Variants in FAF1 observed in about 807,000 individuals in gnomAD.
The protein encoded by FAF1 is Fas associated factor 1.
Under a neutral mutation model 92.5 loss-of-function variants are expected in FAF1, and 25 were observed. That is an observed-to-expected ratio of 0.27 (90% confidence interval 0.20 to 0.38). The LOEUF (loss-of-function observed/expected upper bound fraction) is 0.38, where lower values mean the gene tolerates loss of function less well. FAF1 is among the 10% of genes least tolerant of loss of function. The probability of loss-of-function intolerance (pLI) is 1.00; values close to 1 mark genes in which losing one functional copy is unlikely to be tolerated. For missense variants in FAF1, 636 were observed against 793.3 expected (o/e 0.80, Z 2.38); for synonymous variants, 234 against 273.2 (o/e 0.86, Z 1.42).
At chr1:50,719,568 A>G (rs1482647955) in intron 6 of FAF1, among the ~76,000 whole-genome samples, 2 of 152,252 alleles carry the variant, frequency 1.3e-5, no homozygotes, top group Non-Finnish European at 2.9e-5. Flanking sequence ...ATCAAAATGT[A>G]TTAACCAAAG....
intron 13 of FAF1, among the ~76,000 whole-genome samples, chr1:50,550,294 T>A (rs1649247955): frequency 1.4e-5 from 2 of 140,116 alleles, no homozygotes; most frequent in South Asian, 4.4e-4. Flanking sequence ...GAGCTTGCAG[T>A]GAATCGAGAT....
intron 6 of FAF1, among the ~76,000 whole-genome samples, chr1:50,722,222 T>C (rs565225207): frequency 2.6e-5 from 4 of 152,226 alleles, no homozygotes; most frequent in Non-Finnish European, 4.4e-5. Context: ...GTTTCTAGTT[T>C]ACTTCATAAA....
chr1:50,818,127 G>A (rs1208295050), intron 2 of FAF1, among the ~76,000 whole-genome samples: 33 of 152,080 alleles, frequency 2.2e-4, no homozygotes, highest in Admixed American at 2.2e-3. Context: ...ATTTTACAGT[G>A]GAAATGAGTT....
intron 2 of FAF1, among the ~76,000 whole-genome samples, chr1:50,825,670 C>A (rs749453132): frequency 2.0e-5 from 3 of 151,712 alleles, no homozygotes; most frequent in African/African-American, 4.8e-5. Context: ...ACAAAAAAAA[C>A]CCGACATAAT....
At chr1:50,493,034 C>CTTTTT (rs527436973) in intron 15 of FAF1, among the ~76,000 whole-genome samples, 13 of 137,972 alleles carry the variant, frequency 9.4e-5, no homozygotes, top group African/African-American at 2.4e-4. Flanking sequence ...GATTAAACTT[C>CTTTTT]TTTTTTTTTT....
chr1:50,540,637 C>T (rs192560022), intron 13 of FAF1, among the ~76,000 whole-genome samples: 1 of 152,142 alleles, frequency 6.6e-6, no homozygotes, highest in African/African-American at 2.4e-5. Context: ...TAAAGCTTTT[C>T]TCTTCTATTA....
At chr1:50,627,553 G>C (rs147378879) in intron 8 of FAF1, among the ~76,000 whole-genome samples, 289 of 151,954 alleles carry the variant, frequency 1.9e-3, no homozygotes, top group African/African-American at 6.7e-3. Flanking sequence ...TCTCATAAAC[G>C]GAAGGTTGGA....
intron 1 of FAF1, among the ~76,000 whole-genome samples, chr1:50,865,271 A>T (rs1275176157): frequency 2.0e-5 from 3 of 152,054 alleles, no homozygotes; most frequent in East Asian, 1.9e-4. Context: ...ACTGTGGAAG[A>T]CAGTGTGGCG....
At chr1:50,936,641 G>C (rs1307596928) in intron 1 of FAF1, among the ~76,000 whole-genome samples, 1 of 152,168 alleles carries the variant, frequency 6.6e-6, no homozygotes, top group African/African-American at 2.4e-5. Context: ...GAAATTCAAA[G>C]GAGGACAGAA....
At chr1:50,501,844 TTAAG>T (rs1434462383) in intron 15 of FAF1, among the ~76,000 whole-genome samples, 2 of 152,170 alleles carry the variant, frequency 1.3e-5, no homozygotes, top group Non-Finnish European at 2.9e-5. Flanking sequence ...CATTCCAGTC[TTAAG>T]TAAGTAGTTA....
chr1:50,622,531 T>C (rs1308718571), intron 8 of FAF1, among the ~76,000 whole-genome samples: 1 of 152,214 alleles, frequency 6.6e-6, no homozygotes. Context: ...TCCACTCTCT[T>C]GAGAGTTACT....
intron 2 of FAF1, among the ~76,000 whole-genome samples, chr1:50,811,056 C>A (rs1272088737): frequency 6.6e-6 from 1 of 151,956 alleles, no homozygotes; most frequent in Non-Finnish European, 1.5e-5. Flanking sequence ...AAACATGGAC[C>A]AGGCATGGTG....
chr1:50,737,715 C>T (rs1444602259), intron 6 of FAF1, among the ~76,000 whole-genome samples: 1 of 152,148 alleles, frequency 6.6e-6, no homozygotes, highest in East Asian at 1.9e-4. Context: ...CAAGATTTAA[C>T]TTTTTCAGTT....
intron 15 of FAF1, among the ~76,000 whole-genome samples, chr1:50,526,841 T>C (rs1339275561): frequency 6.6e-6 from 1 of 151,932 alleles, no homozygotes; most frequent in Non-Finnish European, 1.5e-5. Context: ...TTGCTAACAT[T>C]TGTTGTTACC....
At chr1:50,601,233 G>C (rs750010125) in intron 8 of FAF1, among the ~76,000 whole-genome samples, 8 of 151,996 alleles carry the variant, frequency 5.3e-5, no homozygotes, top group Admixed American at 5.2e-4. Context: ...TAAAATACTA[G>C]GACAATATGC....
chr1:50,614,511 A>T (rs1652818437), intron 8 of FAF1, among the ~76,000 whole-genome samples: 1 of 112,072 alleles, frequency 8.9e-6, no homozygotes, highest in Non-Finnish European at 1.8e-5. Flanking sequence ...TATTTTGATC[A>T]ACACATAGTA....
At chr1:50,475,316 G>A in intron 18 of FAF1, 148 bp downstream of exon 18, 1 of 622,782 alleles carries the variant, frequency 1.6e-6, no homozygotes, top group Non-Finnish European at 2.8e-6. Flanking sequence ...AAAAGCTAAG[G>A]AGAGAATGGT....
At chr1:50,444,563 C>T (rs1646206599) in intron 18 of FAF1, among the ~76,000 whole-genome samples, 1 of 152,240 alleles carries the variant, frequency 6.6e-6, no homozygotes, top group African/African-American at 2.4e-5. Flanking sequence ...CAGACAGCAG[C>T]TGCCGACGTG....
rs567689525 is a variant in FAF1 at position 50,609,133 on chromosome 1, A to G, written c.745-12917T>C. Among the ~76,000 whole-genome samples, 5 of 152,300 alleles carry G rather than the reference A, an allele frequency of 3.3e-5. No individual in the cohort carries two copies. In the South Asian group the frequency reaches 1.0e-3, roughly 32 times the overall value. ...GACCTCAGCTGAGTGCTAGAGATAG[A>G]GCCAATGGTGAACAGTTTCTGCTTT... On this transcript the variant is annotated intron_variant, in intron 8 of 18. Transcript: ENST00000396153.
Sources: gnomAD v4.1 joint callset for allele counts (sites outside exome capture counted in the v4.1 genomes callset) on GRCh38, gnomAD v4.1.1 for gene constraint, MANE v1.5 for transcripts, NCBI Gene and HGNC (gene_info 2026-07-23, HGNC 2026-07-21) for gene names.